Variants in ERC2 observed in about 807,000 individuals in gnomAD.
The protein encoded by ERC2 is ELKS/RAB6-interacting/CAST family member 2.
In ERC2, 42 loss-of-function variants were observed where a neutral mutation model predicts 114.8. The ratio of observed to expected loss-of-function variants is 0.37; its 90% CI spans 0.29 to 0.47. The LOEUF (loss-of-function observed/expected upper bound fraction) is 0.47. Ranked by LOEUF, ERC2 falls within the 20% of genes least tolerant of loss-of-function variation. ERC2 has a pLI of 0.99. For missense variants in ERC2, 939 were observed against 1,150.7 expected (o/e 0.82, Z 2.66); for synonymous variants, 454 against 425.5 (o/e 1.07, Z -0.82).
chr3:55,705,256 G>A (rs116322245), intron 15 of ERC2, among the ~76,000 whole-genome samples: 122 of 152,278 alleles, frequency 8.0e-4, no homozygotes, highest in African/African-American at 2.8e-3. Context: ...CGCCCCTTGA[G>A]TTAAGATTTG....
intron 2 of ERC2, among the ~76,000 whole-genome samples, chr3:56,422,698 C>T (rs2061431268): frequency 6.6e-6 from 1 of 152,128 alleles, no homozygotes; most frequent in Non-Finnish European, 1.5e-5. Context: ...GATGTTTTTC[C>T]CTTCAAGACA....
At chr3:55,917,916 T>C (rs2065195533) in intron 13 of ERC2, among the ~76,000 whole-genome samples, 1 of 152,072 alleles carries the variant, frequency 6.6e-6, no homozygotes, top group Non-Finnish European at 1.5e-5. Context: ...AGACACTATC[T>C]GCTAATTGAG....
At chr3:55,832,544 G>T (rs1044966826) in intron 14 of ERC2, among the ~76,000 whole-genome samples, 1 of 152,218 alleles carries the variant, frequency 6.6e-6, no homozygotes, top group African/African-American at 2.4e-5. Context: ...TGCAGCTGAG[G>T]GTCCTGTGTG....
At chr3:56,441,557 C>T (rs1310005536) in intron 1 of ERC2, among the ~76,000 whole-genome samples, 5 of 152,078 alleles carry the variant, frequency 3.3e-5, no homozygotes, top group Non-Finnish European at 4.4e-5. Flanking sequence ...TTCAATGTTC[C>T]GTTTGAGCAA....
At chr3:55,618,134 A>G (rs750559857) in intron 17 of ERC2, among the ~76,000 whole-genome samples, 10 of 152,166 alleles carry the variant, frequency 6.6e-5, no homozygotes, top group Admixed American at 1.3e-4. Flanking sequence ...CAACTTGCAA[A>G]TTAAGCATGT....
At chr3:55,696,588 T>C (rs2062942926) in intron 16 of ERC2, among the ~76,000 whole-genome samples, 1 of 152,214 alleles carries the variant, frequency 6.6e-6, no homozygotes, top group Admixed American at 6.5e-5. Context: ...TTAGTGTATG[T>C]GGTCTACACA....
At chr3:56,272,247 C>A (rs1315851903) in intron 3 of ERC2, among the ~76,000 whole-genome samples, 2 of 152,100 alleles carry the variant, frequency 1.3e-5, no homozygotes, top group African/African-American at 4.8e-5. Flanking sequence ...AAAAACAACC[C>A]CAAAAGTATA....
intron 17 of ERC2, among the ~76,000 whole-genome samples, chr3:55,629,027 A>T (rs1459568862): frequency 6.6e-6 from 1 of 152,182 alleles, no homozygotes; most frequent in Non-Finnish European, 1.5e-5. Flanking sequence ...TAAGAAGCAG[A>T]GATGGAAGGA....
At chr3:55,884,540 G>T (rs748682855) in intron 14 of ERC2, among the ~76,000 whole-genome samples, 2 of 151,862 alleles carry the variant, frequency 1.3e-5, no homozygotes, top group Non-Finnish European at 2.9e-5. Flanking sequence ...GGTAAATTCT[G>T]TATAGCTCTG....
chr3:55,798,844 C>A (rs956750213), intron 14 of ERC2, among the ~76,000 whole-genome samples: 7 of 147,982 alleles, frequency 4.7e-5, no homozygotes, highest in Non-Finnish European at 1.0e-4. Context: ...AATTTGTAAA[C>A]GCATAAAGAA....
chr3:56,140,914 C>A (rs1390373369), intron 5 of ERC2, among the ~76,000 whole-genome samples: 1 of 152,122 alleles, frequency 6.6e-6, no homozygotes, highest in Non-Finnish European at 1.5e-5. Context: ...TTCCCAGCTA[C>A]TCGGGAGGCT....
chr3:55,888,483 C>G lies in ERC2; in HGVS notation c.2470G>C (p.Ala824Pro). The change falls in exon 14 of 18, where the codon GCC (alanine) becomes CCC (proline). Residue 824 changes from alanine to proline, a missense_variant. Around this residue, in one of 5 missense-constraint regions of ERC2, gnomAD observed 328 missense variants for 353.9 expected, o/e 0.93. Transcript: ENST00000288221. ...TCGGCCAGGGACTGTTGTGTGGAGG[C>G]GAGGCGTGCTTTGGTGGCATCCAGT... is the stretch of plus-strand genomic sequence containing the variant. ...QELDATKARL[A>P]STQQSLAEKE... 6.2e-7 allele frequency: 1 copy of G among 1,613,808 alleles called. No individual in the cohort carries two copies. The highest frequency in any genetic ancestry group is 8.5e-7 in the Non-Finnish European group (1 of 1,179,830).
chr3:56,005,315 C>A (rs146526823), intron 10 of ERC2, among the ~76,000 whole-genome samples: 1 of 151,978 alleles, frequency 6.6e-6, no homozygotes, highest in African/African-American at 2.4e-5. Flanking sequence ...AGGAATAATG[C>A]TACAATGTTT....
At chr3:56,000,288 G>T (rs888808479) in intron 10 of ERC2, among the ~76,000 whole-genome samples, 1 of 152,006 alleles carries the variant, frequency 6.6e-6, no homozygotes, top group Non-Finnish European at 1.5e-5. Context: ...TGAAATCAGA[G>T]AATAGTTTCC....
rs150802420 is a variant in ERC2 at position 56,425,298 on chromosome 3, G to C, written c.657+9053C>G. 1.6e-3 allele frequency among the ~76,000 whole-genome samples: 238 copies of C among 152,238 alleles called. 1 individual carries two copies. The highest frequency in any genetic ancestry group is 5.3e-3 in the African/African-American group (222 of 41,526). Reference sequence around the variant, plus strand: ...CAGAGTCCCTCCATGAACTTTCCAAGTAGGAAGTGAAGATGTAAGGCTCTC... The same window carrying C: ...CAGAGTCCCTCCATGAACTTTCCAACTAGGAAGTGAAGATGTAAGGCTCTC... On this transcript the variant is annotated intron_variant, in intron 2 of 17. Transcript: ENST00000288221.
intron 16 of ERC2, among the ~76,000 whole-genome samples, chr3:55,696,531 AT>A (rs1380287669): frequency 2.6e-5 from 4 of 152,168 alleles, no homozygotes; most frequent in Non-Finnish European, 5.9e-5. Context: ...TATGGCTGTC[AT>A]TTTTCTCCTA....
At chr3:55,927,738 C>A (rs912925725) in intron 13 of ERC2, among the ~76,000 whole-genome samples, 1 of 152,118 alleles carries the variant, frequency 6.6e-6, no homozygotes, top group Non-Finnish European at 1.5e-5. Context: ...CATCCCCACT[C>A]CCCGACTCCA....
At chr3:55,742,141 C>T (rs1176545032) in intron 14 of ERC2, among the ~76,000 whole-genome samples, 2 of 151,692 alleles carry the variant, frequency 1.3e-5, no homozygotes, top group Admixed American at 6.6e-5. Flanking sequence ...CAAAACAGGG[C>T]TGAAGGGCAT....
chr3:55,893,633 C>T (rs764066094), intron 13 of ERC2, among the ~76,000 whole-genome samples: 38 of 152,140 alleles, frequency 2.5e-4, no homozygotes, highest in Non-Finnish European at 5.1e-4. Context: ...AGGCCCTGAC[C>T]TTTTCTCAGT....
Sources: gnomAD v4.1 joint callset for allele counts (sites outside exome capture counted in the v4.1 genomes callset) on GRCh38, gnomAD v4.1.1 for gene constraint, gnomAD v4.1.1 regional missense constraint, MANE v1.5 for transcripts, NCBI Gene and HGNC (gene_info 2026-07-23, HGNC 2026-07-21) for gene names.